Variants in DDX4 observed in about 807,000 individuals in gnomAD.
DDX4 encodes the protein DEAD-box helicase 4, also known as probable ATP-dependent RNA helicase DDX4.
A neutral mutation model predicts 100.0 loss-of-function variants in DDX4; 25 were observed. That is an observed-to-expected ratio of 0.25 (90% CI 0.18 to 0.35). The LOEUF is 0.35. Among genes scored for constraint, DDX4 ranks in the 10% least tolerant of loss-of-function variants. The pLI is 1.00. For missense variants in DDX4, 635 were observed against 882.4 expected, an observed-to-expected ratio of 0.72 and a Z score of 3.55; for synonymous variants, 259 against 275.7, an observed-to-expected ratio of 0.94 and a Z score of 0.60.
chr5:55,760,458 T>TGG (rs1218529805), intron 4 of DDX4, among the ~76,000 whole-genome samples, 181 bp downstream of exon 4: 1 of 152,126 alleles, frequency 6.6e-6, no homozygotes, highest in Non-Finnish European at 1.5e-5. Context: ...TTTACTTCTT[T>TGG]GGGATAGTAG....
At chr5:55,807,218 C>T (rs943144634) in intron 18 of DDX4, among the ~76,000 whole-genome samples, 41 of 152,292 alleles carry the variant, frequency 2.7e-4, no homozygotes, top group African/African-American at 8.9e-4. Context: ...ATGTGTGGCT[C>T]TGCACATGAG....
At chr5:55,786,758 G>T (rs1276650871) in intron 14 of DDX4, 88 bp downstream of exon 14, 7 of 1,005,062 alleles carry the variant, frequency 7.0e-6, no homozygotes, top group South Asian at 3.0e-5. Flanking sequence ...TGAGTAGAAG[G>T]TTTGTAGATG....
At chr5:55,806,790 CTG>C in intron 18 of DDX4, among the ~76,000 whole-genome samples, 1 of 152,104 alleles carries the variant, frequency 6.6e-6, no homozygotes, top group East Asian at 1.9e-4. Context: ...GCTGAGAAGA[CTG>C]TATATTCTGT....
At chr5:55,757,908 T>C (rs1760039412) in intron 3 of DDX4, among the ~76,000 whole-genome samples, 1 of 152,006 alleles carries the variant, frequency 6.6e-6, no homozygotes, top group South Asian at 2.1e-4. Flanking sequence ...AGCTGGATAT[T>C]GTGGTACACG....
At chr5:55,739,259 C>T (rs921575435) in intron 2 of DDX4, among the ~76,000 whole-genome samples, 1 of 152,102 alleles carries the variant, frequency 6.6e-6, no homozygotes, top group Non-Finnish European at 1.5e-5. Flanking sequence ...ATATTAATGA[C>T]CTAATTTAAA....
Position 55,816,944 on chromosome 5 carries a change from G to A in DDX4, c.*404G>A, listed in dbSNP as rs1264207157. Reference sequence around the variant, plus strand: ...TTTTACTTGAGTCTTTAAAACAGTAGTGTGTCACTATAATGTGATAATCTT... The same window carrying A: ...TTTTACTTGAGTCTTTAAAACAGTAATGTGTCACTATAATGTGATAATCTT... On this transcript the variant is annotated 3_prime_UTR_variant, in exon 22 of 22. Transcript: ENST00000505374. 1 of 161,332 alleles carries A rather than the reference G, an allele frequency of 6.2e-6. No homozygotes were observed. Among genetic ancestry groups the A allele is most frequent in the African/African-American group, 2.4e-5 (1 of 41,616 alleles). 10.0% of individuals were successfully genotyped at this position (161,332 alleles called of 1,614,324 possible).
At chr5:55,740,659 C>G (rs1202267115) in intron 2 of DDX4, among the ~76,000 whole-genome samples, 1 of 145,158 alleles carries the variant, frequency 6.9e-6, no homozygotes, top group Non-Finnish European at 1.5e-5. Flanking sequence ...GTGTGTGCCA[C>G]CACGCCCCGC....
intron 18 of DDX4, among the ~76,000 whole-genome samples, chr5:55,811,230 C>T (rs1477155690): frequency 6.6e-6 from 1 of 152,066 alleles, no homozygotes; most frequent in African/African-American, 2.4e-5. Flanking sequence ...CCTTTTATAG[C>T]TTATTTTAAC....
Position 55,786,646 on chromosome 5 carries a change from C to T in DDX4, c.993C>T (p.Cys331=), listed in dbSNP as rs957459. Reference sequence around the variant, plus strand: ...TTGCAGGACGAGATTTGATGGCTTGCGCTCAAACAGGGTCTGGGAAGACTG... The same window carrying T: ...TTGCAGGACGAGATTTGATGGCTTGTGCTCAAACAGGGTCTGGGAAGACTG... The part of the protein sequence containing the change: ...IILAGRDLMA[C]AQTGSGKTAA... The change falls in exon 14 of 22, where the codon TGC becomes TGT. Residue 331 remains cysteine (C), a synonymous_variant. Transcript: ENST00000505374. 0.34 allele frequency: 539,915 copies of T among 1,610,654 alleles called. 97,204 individuals carry two copies. The highest frequency in any genetic ancestry group is 0.6 in the African/African-American group (44,941 of 74,810).
chr5:55,784,984 T>C (rs528092790), intron 10 of DDX4, among the ~76,000 whole-genome samples: 2 of 152,350 alleles, frequency 1.3e-5, no homozygotes, highest in East Asian at 3.9e-4. Context: ...TAGCAACTAC[T>C]GAACTGGGAA....
intron 18 of DDX4, among the ~76,000 whole-genome samples, chr5:55,806,697 T>C (rs546657137): frequency 6.6e-6 from 1 of 152,216 alleles, no homozygotes; most frequent in Non-Finnish European, 1.5e-5. Flanking sequence ...AGACAGTTTG[T>C]TATAATTTCT....
At chr5:55,752,509 G>T (rs948950883) in intron 3 of DDX4, among the ~76,000 whole-genome samples, 5 of 147,032 alleles carry the variant, frequency 3.4e-5, no homozygotes, top group Non-Finnish European at 7.4e-5. Flanking sequence ...CAAAGGAGAT[G>T]AACTCATCAT....
intron 7 of DDX4, among the ~76,000 whole-genome samples, chr5:55,775,791 C>G (rs776897535): frequency 2.0e-4 from 31 of 152,076 alleles, no homozygotes; most frequent in Non-Finnish European, 3.7e-4. Context: ...GAAATGCAGA[C>G]TATACCTTCT....
intron 9 of DDX4, 75 bp downstream of exon 9, chr5:55,781,221 T>C: frequency 8.1e-7 from 1 of 1,227,158 alleles, no homozygotes; most frequent in Non-Finnish European, 1.2e-6. Flanking sequence ...AAACCTAATA[T>C]ATATGTTAAA....
chr5:55,781,808 G>C (rs1741930289), intron 9 of DDX4, 126 bp from the exon 10 acceptor site: 1 of 849,294 alleles, frequency 1.2e-6, no homozygotes, highest in South Asian at 2.0e-5. Flanking sequence ...AAAATTAAGA[G>C]ATGGATGGGT....
At chr5:55,780,673 T>C (rs138445923) in intron 8 of DDX4, among the ~76,000 whole-genome samples, 185 of 152,236 alleles carry the variant, frequency 1.2e-3, no homozygotes, top group African/African-American at 4.1e-3. Flanking sequence ...GAGCAAGGGG[T>C]GCTATTTTGA....
At chr5:55,783,721 G>A (rs186329186) in intron 10 of DDX4, among the ~76,000 whole-genome samples, 39 of 152,064 alleles carry the variant, frequency 2.6e-4, no homozygotes, top group Non-Finnish European at 4.1e-4. Flanking sequence ...GAACTAATTA[G>A]GGGAATTGGC....
At chr5:55,747,227 A>G (rs953149250) in intron 3 of DDX4, among the ~76,000 whole-genome samples, 1 of 152,152 alleles carries the variant, frequency 6.6e-6, no homozygotes, top group African/African-American at 2.4e-5. Context: ...CTAAAAATAC[A>G]AAAATTAGGG....
At chr5:55,760,576 A>G (rs1241274022) in intron 4 of DDX4, among the ~76,000 whole-genome samples, 1 of 152,160 alleles carries the variant, frequency 6.6e-6, no homozygotes, top group Non-Finnish European at 1.5e-5. Flanking sequence ...TTGATTTCCA[A>G]CAATTGATGT....
Sources: allele counts gnomAD v4.1 joint callset (sites outside exome capture counted in the v4.1 genomes callset), GRCh38; gene constraint gnomAD v4.1.1; transcripts MANE v1.5; gene names NCBI Gene and HGNC (gene_info 2026-07-23, HGNC 2026-07-21).